Variants in CACNB4 observed in about 807,000 individuals in gnomAD.
CACNB4 encodes voltage-dependent L-type calcium channel subunit beta-4.
CACNB4 carries 32 observed loss-of-function variants against 71.2 expected under a neutral mutation model. That is an observed-to-expected ratio of 0.45 (90% CI 0.34 to 0.60). The LOEUF (loss-of-function observed/expected upper bound fraction) is 0.60, where lower values mean the gene tolerates loss of function less well. CACNB4 is among the 20% of genes least tolerant of loss of function. The probability of loss-of-function intolerance (pLI) is 0.01; values close to 1 mark genes in which losing one functional copy is unlikely to be tolerated. For synonymous variants in CACNB4, 231 were observed against 236.9 expected (o/e 0.97, Z 0.23); for missense variants, 464 against 647.9 (o/e 0.72, Z 3.08).
chr2:151,963,465 T>C (rs1475256310), intron 2 of CACNB4, among the ~76,000 whole-genome samples: 1 of 152,168 alleles, frequency 6.6e-6, no homozygotes, highest in Non-Finnish European at 1.5e-5. Context: ...AGTTTTTGTG[T>C]GTTATTTTTA....
chr2:151,894,543 C>T (rs965099765), intron 2 of CACNB4, among the ~76,000 whole-genome samples: 1 of 152,064 alleles, frequency 6.6e-6, no homozygotes. Flanking sequence ...TCAACATATA[C>T]TGAAAGATTT....
chr2:151,883,197 G>A, intron 3 of CACNB4, 54 bp downstream of exon 3: 1 of 1,585,752 alleles, frequency 6.3e-7, no homozygotes, highest in Non-Finnish European at 8.7e-7. Flanking sequence ...AGAGCAGCTG[G>A]TAGCCACTGA....
chr2:152,065,171 T>C (rs1686239948), intron 2 of CACNB4, among the ~76,000 whole-genome samples: 1 of 152,090 alleles, frequency 6.6e-6, no homozygotes, highest in African/African-American at 2.4e-5. Context: ...TCATTTGAGG[T>C]CAGGAGTTCG....
intron 6 of CACNB4, chr2:151,871,113 G>A (rs2099844504): frequency 3.8e-6 from 2 of 520,906 alleles, no homozygotes; most frequent in Non-Finnish European, 6.8e-6. Context: ...GTGGGAATTG[G>A]GTACAGGAGT....
At chr2:151,879,682 T>G (rs1236063161) in intron 4 of CACNB4, 1 of 152,212 alleles carries the variant, frequency 6.6e-6, no homozygotes, top group African/African-American at 2.4e-5. Flanking sequence ...TTTTCTTATC[T>G]GATAATTTCA....
intron 2 of CACNB4, among the ~76,000 whole-genome samples, chr2:151,999,149 A>G (rs917105019): frequency 1.3e-5 from 2 of 151,322 alleles, no homozygotes; most frequent in African/African-American, 4.9e-5. Context: ...TCAATCACTC[A>G]CTCCATGGCC....
chr2:151,966,518 A>G (rs1299357207), intron 2 of CACNB4, among the ~76,000 whole-genome samples: 1 of 152,022 alleles, frequency 6.6e-6, no homozygotes, highest in Admixed American at 6.6e-5. Flanking sequence ...TGACCTCACG[A>G]TCCACCCACC....
At chr2:151,888,803 A>C (rs2099850008) in intron 2 of CACNB4, among the ~76,000 whole-genome samples, 1 of 152,140 alleles carries the variant, frequency 6.6e-6, no homozygotes, top group Non-Finnish European at 1.5e-5. Context: ...CTTCTTTGGG[A>C]TAGATTTGGG....
chr2:151,839,654 G>C (rs1340168999), intron 13 of CACNB4, among the ~76,000 whole-genome samples: 1 of 152,146 alleles, frequency 6.6e-6, no homozygotes, highest in Admixed American at 6.5e-5. Flanking sequence ...AAAGCTAACT[G>C]TTAAATGGAA....
rs78731697 is a variant in CACNB4 at position 151,881,306 on chromosome 2, GA to G, written c.268-385del. Among the ~76,000 whole-genome samples the G allele has an allele frequency of 1.9e-3, 260 of 135,972 alleles. 2 individuals carry two copies. The highest frequency in any genetic ancestry group is 4.7e-3 in the African/African-American group (174 of 37,024). 89.2% of individuals were successfully genotyped at this position (135,972 alleles called of 152,430 possible). On this transcript the variant is annotated intron_variant, in intron 3 of 13. Coordinates refer to ENST00000539935, the MANE Select transcript of CACNB4 (RefSeq NM_000726.5). Reference sequence around the variant, plus strand: ...AATGTGTGCAAGGTCTTTTTAAAAAGAAAAAAAAAAAGGTGGGAAGAGGATA... The same window carrying G: ...AATGTGTGCAAGGTCTTTTTAAAAAGAAAAAAAAAAGGTGGGAAGAGGATA...
chr2:151,969,506 C>T (rs1409679634), intron 2 of CACNB4: 1 of 152,162 alleles, frequency 6.6e-6, no homozygotes, highest in African/African-American at 2.4e-5. Flanking sequence ...TCTTGGGTAT[C>T]TTTGTTCACA....
At chr2:152,034,939 C>A (rs571928924) in intron 2 of CACNB4, among the ~76,000 whole-genome samples, 22 of 152,316 alleles carry the variant, frequency 1.4e-4, no homozygotes, top group African/African-American at 5.1e-4. Context: ...GTGAGTGCAG[C>A]TGGAGTCCTG....
intron 2 of CACNB4, among the ~76,000 whole-genome samples, chr2:151,943,831 A>C (rs943880414): frequency 4.6e-5 from 7 of 152,218 alleles, no homozygotes; most frequent in Non-Finnish European, 4.4e-5. Flanking sequence ...GGCAGATGAA[A>C]AAAGGACAGA....
chr2:152,020,054 T>C (rs1683569031), intron 2 of CACNB4, among the ~76,000 whole-genome samples: 1 of 152,196 alleles, frequency 6.6e-6, no homozygotes, highest in Non-Finnish European at 1.5e-5. Context: ...ACTTCCAGGA[T>C]TTTCACCCTG....
intron 2 of CACNB4, among the ~76,000 whole-genome samples, chr2:152,006,918 C>T (rs182056714): frequency 1.2e-4 from 19 of 152,256 alleles, no homozygotes; most frequent in African/African-American, 4.6e-4. Context: ...TTCAATTACA[C>T]GGCTACCTTA....
intron 2 of CACNB4, among the ~76,000 whole-genome samples, chr2:151,884,634 CAAAAAAAA>C (rs35506114): frequency 3.3e-5 from 2 of 61,508 alleles, no homozygotes; most frequent in Non-Finnish European, 5.9e-5. Flanking sequence ...GACTCCGTCT[CAAAAAAAA>C]AAAAAAAAAA....
chr2:151,902,021 C>T (rs532510108), intron 2 of CACNB4, among the ~76,000 whole-genome samples: 1 of 136,168 alleles, frequency 7.3e-6, no homozygotes, highest in Admixed American at 7.8e-5. Context: ...TAGTGGGTAA[C>T]ACAACATCAC....
At chr2:152,073,655 A>T (rs996639272) in intron 2 of CACNB4, among the ~76,000 whole-genome samples, 7 of 152,222 alleles carry the variant, frequency 4.6e-5, no homozygotes, top group Non-Finnish European at 1.0e-4. Context: ...AAAAATAATT[A>T]AAAATACATT....
At chr2:151,855,199 C>T in intron 11 of CACNB4, 25 bp downstream of exon 11, 3 of 1,499,410 alleles carry the variant, frequency 2.0e-6, no homozygotes, top group Non-Finnish European at 2.7e-6. Flanking sequence ...ACTTCTAAAC[C>T]TTAAGGCAGA....
Sources: gnomAD v4.1 joint callset for allele counts (sites outside exome capture counted in the v4.1 genomes callset) on GRCh38, gnomAD v4.1.1 for gene constraint, MANE v1.5 for transcripts, NCBI Gene and HGNC (gene_info 2026-07-23, HGNC 2026-07-21) for gene names.